The following DPP6 variants were observed in gnomAD, a reference collection of about 807,000 sequenced individuals.
The protein encoded by DPP6 is dipeptidyl peptidase like 6, also known as A-type potassium channel modulatory protein DPP6.
DPP6 carries 69 observed loss-of-function variants against 122.6 expected under a neutral mutation model. The ratio of observed to expected loss-of-function variants is 0.56; its 90% CI spans 0.46 to 0.69. The LOEUF is 0.69. DPP6 is among the 30% of genes least tolerant of loss of function. The pLI is 0.00. For missense variants in DPP6, 928 were observed against 1,116.9 expected, an observed-to-expected ratio of 0.83 and a Z score of 2.41; for synonymous variants, 418 against 433.1, an observed-to-expected ratio of 0.97 and a Z score of 0.43.
intron 2 of DPP6, among the ~76,000 whole-genome samples, chr7:154,461,394 T>G (rs1586343679): frequency 6.6e-6 from 1 of 152,208 alleles, no homozygotes; most frequent in African/African-American, 2.4e-5. Context: ...GCACTGGGAT[T>G]ACTGGATCAT....
chr7:154,597,711 T>C (rs1422348898), intron 5 of DPP6, among the ~76,000 whole-genome samples: 1 of 152,188 alleles, frequency 6.6e-6, no homozygotes, highest in African/African-American at 2.4e-5. Flanking sequence ...GTCTCACGGT[T>C]CTGGAGGCCA....
At chr7:154,544,151 T>TA (rs1198260609) in intron 4 of DPP6, among the ~76,000 whole-genome samples, 1 of 143,040 alleles carries the variant, frequency 7.0e-6, no homozygotes, top group African/African-American at 2.5e-5. Context: ...TATATATATA[T>TA]TTTATATATA....
At chr7:154,188,467 G>A (rs1161449630) in intron 1 of DPP6, among the ~76,000 whole-genome samples, 1 of 152,056 alleles carries the variant, frequency 6.6e-6, no homozygotes, top group Admixed American at 6.6e-5. Flanking sequence ...TTACAATCTA[G>A]TGGGGGTGAG....
At chr7:153,784,503 GTTC>G in the DPP6 span, among the ~76,000 whole-genome samples, 1 of 152,196 alleles carries the variant, frequency 6.6e-6, no homozygotes, top group Non-Finnish European at 1.5e-5. Flanking sequence ...GAATGTTTTA[GTTC>G]TTCTTGTTTT....
intron 1 of DPP6, among the ~76,000 whole-genome samples, chr7:154,245,221 G>A (rs1801897050): frequency 6.6e-6 from 1 of 151,844 alleles, no homozygotes; most frequent in South Asian, 2.1e-4. Flanking sequence ...CCAAATTGCT[G>A]AGATTACAGG....
At chr7:154,031,885 G>A (rs1464349562) in intron 1 of DPP6, among the ~76,000 whole-genome samples, 3 of 145,914 alleles carry the variant, frequency 2.1e-5, no homozygotes, top group Admixed American at 6.9e-5. Flanking sequence ...TTTGGGGGAC[G>A]GGGTCTCGCT....
rs1363311599 is a variant in DPP6, at chr7:154,574,672, GGT to G, written c.627+7764_627+7765del. On this transcript the variant is annotated intron_variant, in intron 5 of 25. Transcript: ENST00000377770. ...TGGTGTAGTGTTTGTGTATGTGTGT[GGT>G]GTGTGTGGTATATGTATATGTGTGT... Among the ~76,000 whole-genome samples, 4 of 133,904 alleles carry G rather than the reference GGT, an allele frequency of 3.0e-5. No homozygotes were observed. The Admixed American group carries it at 3.0e-4, about 10-fold the overall frequency. 87.8% of individuals were successfully genotyped at this position (133,904 alleles called of 152,430 possible).
intron 10 of DPP6, chr7:154,793,856 T>G: frequency 7.1e-6 from 4 of 566,758 alleles, no homozygotes; most frequent in Non-Finnish European, 1.2e-5. Context: ...CCCAGTGTCT[T>G]TGGGTTTATT....
intron 1 of DPP6, among the ~76,000 whole-genome samples, chr7:153,972,758 T>TA (rs201663307): frequency 0.057 from 8,577 of 149,466 alleles, 214 homozygotes; most frequent in Non-Finnish European, 0.083. Context: ...AATTGCAACT[T>TA]TTTTTTTTTT....
intron 1 of DPP6, among the ~76,000 whole-genome samples, chr7:153,931,178 C>T (rs1801154129): frequency 6.6e-6 from 1 of 152,176 alleles, no homozygotes; most frequent in Non-Finnish European, 1.5e-5. Flanking sequence ...ATTAAAAACC[C>T]TGACTAATTA....
intron 5 of DPP6, among the ~76,000 whole-genome samples, chr7:154,637,151 C>T (rs1216104331): frequency 6.6e-6 from 1 of 152,076 alleles, no homozygotes; most frequent in Non-Finnish European, 1.5e-5. Flanking sequence ...GGAGTCATTT[C>T]CTGGCTCAGG....
chr7:154,421,232 G>A (rs1817445725), intron 1 of DPP6, among the ~76,000 whole-genome samples: 1 of 152,046 alleles, frequency 6.6e-6, no homozygotes, highest in Non-Finnish European at 1.5e-5. Context: ...CCAGAAACTT[G>A]TAGCTACTGT....
At chr7:154,572,460 G>A (rs2130575426) in intron 5 of DPP6, among the ~76,000 whole-genome samples, 1 of 150,460 alleles carries the variant, frequency 6.6e-6, no homozygotes, top group South Asian at 2.1e-4. Flanking sequence ...ATAACTGCTG[G>A]AAATCAATTC....
chr7:154,206,200 T>C (rs562722460), intron 1 of DPP6, among the ~76,000 whole-genome samples: 4 of 152,344 alleles, frequency 2.6e-5, no homozygotes, highest in Admixed American at 1.3e-4. Flanking sequence ...CTTCTCTTCC[T>C]TCCCCTCAAA....
At chr7:154,518,230 G>A (rs1054057960) in intron 3 of DPP6, among the ~76,000 whole-genome samples, 2 of 152,200 alleles carry the variant, frequency 1.3e-5, no homozygotes, top group Non-Finnish European at 2.9e-5. Context: ...TCTTTTTTGA[G>A]AGAGTTGATT....
At chr7:154,672,208 C>T (rs1004890706) in intron 7 of DPP6, among the ~76,000 whole-genome samples, 5 of 152,108 alleles carry the variant, frequency 3.3e-5, no homozygotes, top group African/African-American at 9.7e-5. Flanking sequence ...TGCCTTCTGC[C>T]GTGATTGTAA....
chr7:153,833,962 T>G, the DPP6 span, among the ~76,000 whole-genome samples: 1 of 152,116 alleles, frequency 6.6e-6, no homozygotes, highest in Non-Finnish European at 1.5e-5. Flanking sequence ...CTTTTTGCCT[T>G]GTACTTTAAA....
At chr7:154,295,297 T>C (rs1805465836) in intron 1 of DPP6, among the ~76,000 whole-genome samples, 1 of 152,162 alleles carries the variant, frequency 6.6e-6, no homozygotes, top group Non-Finnish European at 1.5e-5. Context: ...AGGGAGTGTG[T>C]TGTTCATACA....
Position 154,040,383 on chromosome 7 carries a change from C to T in DPP6, c.51+152649C>T, listed in dbSNP as rs149919433. Among the ~76,000 whole-genome samples the T allele has an allele frequency of 7.1e-3, 1,072 of 150,606 alleles. 6 individuals carry two copies. The highest frequency in any genetic ancestry group is 0.021 in the Middle Eastern group (6 of 292). ...GAAAAACACACGAGGTCTAAATCAT[C>T]AAAATAAGTTGCAAGATAAGGCAGC... On this transcript the variant is annotated intron_variant, in intron 1 of 25. Transcript: ENST00000404039.
Sources: gnomAD v4.1 joint callset for allele counts (sites outside exome capture counted in the v4.1 genomes callset) on GRCh38, gnomAD v4.1.1 for gene constraint, MANE v1.5 for transcripts, NCBI Gene and HGNC (gene_info 2026-07-23, HGNC 2026-07-21) for gene names.